The following C2 variants were observed in gnomAD, a reference collection of about 807,000 sequenced individuals.
The protein encoded by C2 is complement C2.
C2 carries 64 observed loss-of-function variants against 85.2 expected under a neutral mutation model. The observed-to-expected ratio is 0.75, with a 90% CI of 0.61 to 0.92. C2 has a LOEUF of 0.92. Among genes scored for constraint, C2 ranks in the 40% least tolerant of loss-of-function variants. The pLI is 0.00. For synonymous variants in C2, 311 were observed against 370.8 expected (o/e 0.84, Z 1.85); for missense variants, 820 against 971.6 (o/e 0.84, Z 2.07).
chr6:31,940,587 C>G (rs575406754), intron 9 of C2, among the ~76,000 whole-genome samples: 1 of 152,286 alleles, frequency 6.6e-6, no homozygotes, highest in African/African-American at 2.4e-5. Context: ...CCCCTTAGCT[C>G]CTCTCCTTTC....
At chr6:31,942,778 C>A in intron 9 of C2, 181 bp from the exon 10 acceptor site, 1 of 688,494 alleles carries the variant, frequency 1.5e-6, no homozygotes, top group Non-Finnish European at 2.5e-6. Flanking sequence ...CTGTGTGCTG[C>A]AGGAGAGTGA....
intron 9 of C2, among the ~76,000 whole-genome samples, chr6:31,939,757 T>A (rs1163623248): frequency 6.6e-6 from 1 of 152,110 alleles, no homozygotes; most frequent in African/African-American, 2.4e-5. Flanking sequence ...TCAGCCCGTC[T>A]TCACAAATTT....
intron 1 of C2, among the ~76,000 whole-genome samples, chr6:31,908,404 C>A (rs1366734703): frequency 6.6e-6 from 1 of 151,520 alleles, no homozygotes; most frequent in East Asian, 2.0e-4. Context: ...GTAATCCCAG[C>A]ACTTTGGGAG....
At chr6:31,927,431 T>C, upstream of C2, 1 of 1,274,672 alleles carries the variant, frequency 7.8e-7, no homozygotes, top group East Asian at 3.0e-5. The surrounding 1 kb of genome is among the most constrained non-coding windows in gnomAD (Gnocchi z 4.7). Flanking sequence ...GCCTGCGTGT[T>C]TGTGAGCATG....
chr6:31,919,144 C>CTTTTTTTTTT (rs559090030), upstream of C2, among the ~76,000 whole-genome samples: 3 of 133,650 alleles, frequency 2.2e-5, no homozygotes, highest in Non-Finnish European at 3.3e-5. Context: ...CTTTTCTTTT[C>CTTTTTTTTTT]TTTTTTTTTT....
At position 31,943,192 on chromosome 6, in the gene C2, G is replaced by C; in HGVS notation, c.1361-33G>C. 1 of 1,612,338 alleles carries C rather than the reference G, an allele frequency of 6.2e-7. No individual in the cohort carries two copies. Among genetic ancestry groups the C allele is most frequent in the Non-Finnish European group, 8.5e-7 (1 of 1,179,410 alleles). On this transcript the variant is annotated intron_variant, in intron 10 of 17. Transcript: ENST00000299367. The surrounding 1 kb of genome is among the most constrained non-coding windows in gnomAD (Gnocchi z 6.4). ...AACCTGGACACAGTGCCCCTCACTT[G>C]CCTCCTTCCCCATCTGATCCTCACA...
In C2 at chr6:31,936,993, C is replaced by T; in HGVS notation, c.989-326C>T. Reference sequence around the variant, plus strand: ...CTTTGGGAGGCTGAGATGGGCGGATCACTTGAGGTCAGGAAACCAGCTTGG... The same window carrying T: ...CTTTGGGAGGCTGAGATGGGCGGATTACTTGAGGTCAGGAAACCAGCTTGG... On this transcript the variant is annotated intron_variant, in intron 7 of 17. Transcript: ENST00000299367. 9 of 338,330 alleles carry T rather than the reference C, an allele frequency of 2.7e-5. No homozygotes were observed. In the South Asian group the frequency reaches 2.7e-4, roughly 10 times the overall value. The allele number at this position is 338,330 out of a possible 1,614,324, so 21.0% of individuals were successfully genotyped here. A position where few individuals can be genotyped will look rare whatever the true frequency, so the allele number is the denominator to read the frequency against.
At position 31,922,105 on chromosome 6, in the gene C2, C is replaced by A. The variant is rs1769016490; in HGVS notation, c.-100+2079C>A. ...TCCAGCTTTCTGTGCACAGATGGTG[C>A]AGGACACCAAAAACAATCCTTGGGT... On this transcript the variant is annotated intron_variant, in intron 1 of 3. Transcript: ENST00000413154. This position sits in a 1 kb window ranked among gnomAD's most constrained non-coding sequence, Gnocchi z 4.8. 6.6e-6 allele frequency among the ~76,000 whole-genome samples: 1 copy of A among 152,076 alleles called. No individual in the cohort carries two copies. The highest frequency in any genetic ancestry group is 6.6e-5 in the Admixed American group (1 of 15,250).
chr6:31,901,459 C>T (rs1581996148), intron 1 of C2: 1 of 908,378 alleles, frequency 1.1e-6, no homozygotes, highest in Non-Finnish European at 1.6e-6. Context: ...TCCTCAGTTT[C>T]CCCAACCCTG....
At chr6:31,928,980 A>T (rs1351052337) in intron 3 of C2, 63 bp downstream of exon 3, 23 of 1,453,218 alleles carry the variant, frequency 1.6e-5, no homozygotes, top group Non-Finnish European at 2.0e-5. Context: ...CCTGGGGCCC[A>T]ATGTGCATCC....
chr6:31,918,971 G>A (rs374440789), upstream of C2, among the ~76,000 whole-genome samples: 8 of 151,362 alleles, frequency 5.3e-5, no homozygotes, highest in South Asian at 6.3e-4. Context: ...AACCGAGACC[G>A]TCTATGAACT....
At chr6:31,919,818 C>A (rs1470225837), upstream of C2, 2 of 152,250 alleles carry the variant, frequency 1.3e-5, no homozygotes, top group Non-Finnish European at 2.9e-5. Context: ...CCCCATACCA[C>A]AATGTGCTGT....
At chr6:31,942,777 G>A in intron 9 of C2, 182 bp from the exon 10 acceptor site, 1 of 686,682 alleles carries the variant, frequency 1.5e-6, no homozygotes, top group East Asian at 2.7e-5. Context: ...GCTGTGTGCT[G>A]CAGGAGAGTG....
At chr6:31,914,644 G>T (rs9461731) in intron 1 of C2, among the ~76,000 whole-genome samples, 11,175 of 151,010 alleles carry the variant, frequency 0.074, 613 homozygotes, top group African/African-American at 0.15. Context: ...CGGGCGCGGT[G>T]GTTCACGCCT....
chr6:31,932,095 G>C lies in C2; in HGVS notation c.443-1515G>C, dbSNP rs1371630244. On this transcript the variant is annotated intron_variant, in intron 3 of 17. Transcript: ENST00000299367. The stretch of plus-strand genomic sequence containing the variant: ...CAGAGGCGCCCCTCACTTCCCGGAT[G>C]GGGCGGCTGGCCGGGCGAGGGGCTG... Among the ~76,000 whole-genome samples the C allele has an allele frequency of 3.0e-4, 39 of 128,142 alleles. 1 individual carries two copies. Among genetic ancestry groups the C allele is most frequent in the African/African-American group, 6.0e-4 (19 of 31,434 alleles). The allele number at this position is 128,142 out of a possible 152,430, so 84.1% of individuals were successfully genotyped here. A position where few individuals can be genotyped will look rare whatever the true frequency, so the allele number is the denominator to read the frequency against.
rs867360848 is a variant in C2, at chr6:31,932,998, C to T, written c.443-612C>T. ...AGGCGTGGCGGCGCGCGCCTGCAAT[C>T]GCAGGCACTCGGCAAGCTGAGGCAG... On this transcript the variant is annotated intron_variant, in intron 3 of 17. Transcript: ENST00000299367. Among the ~76,000 whole-genome samples, 6 of 152,338 alleles carry T rather than the reference C, an allele frequency of 3.9e-5. 1 individual carries two copies. The highest frequency in any genetic ancestry group is 1.4e-4 in the African/African-American group (6 of 41,582).
At chr6:31,909,100 A>G (rs1767919408) in intron 1 of C2, among the ~76,000 whole-genome samples, 1 of 151,912 alleles carries the variant, frequency 6.6e-6, no homozygotes, top group Non-Finnish European at 1.5e-5. Context: ...GATGAATCAT[A>G]CTGTACATGT....
intron 1 of C2, among the ~76,000 whole-genome samples, chr6:31,906,136 C>T (rs564502952): frequency 6.6e-6 from 1 of 152,080 alleles, no homozygotes; most frequent in African/African-American, 2.4e-5. Flanking sequence ...CTTTCTCTTT[C>T]TCCTTTGATC....
chr6:31,943,740 T>C lies in C2; in HGVS notation c.1664T>C (p.Leu555Pro). The C allele has an allele frequency of 1.2e-6, 2 of 1,613,100 alleles. No homozygotes were observed. Among genetic ancestry groups the C allele is most frequent in the Non-Finnish European group, 1.7e-6 (2 of 1,180,012 alleles). Residue 555 changes from leucine to proline, a missense_variant, in exon 13 of 18, where the codon CTG (leucine) becomes CCG (proline). By Grantham distance (98) the Leu-to-Pro change is moderately conservative (BLOSUM62 -3). Transcript: ENST00000299367. The surrounding 1 kb of genome is among the most constrained non-coding windows in gnomAD (Gnocchi z 6.4). ...DVFAKKNQGI[L>P]EFYGDDIALL... ...TTTGCCAAAAAGAACCAGGGAATCC[T>C]GGAGTTCTATGGTGATGACATAGCT...
Sources: allele counts gnomAD v4.1 joint callset (sites outside exome capture counted in the v4.1 genomes callset), GRCh38; gene constraint gnomAD v4.1.1; non-coding constraint Gnocchi (gnomAD v3.1); transcripts MANE v1.5; gene names NCBI Gene and HGNC (gene_info 2026-07-23, HGNC 2026-07-21).